ROBO2: variants seen among roughly 807,000 people sequenced by gnomAD.
ROBO2 encodes roundabout homolog 2.
In ROBO2, 53 loss-of-function variants were observed where a neutral mutation model predicts 160.8. The observed-to-expected ratio is 0.33, with a 90% CI of 0.26 to 0.41. The LOEUF is 0.41. Among genes scored for constraint, ROBO2 ranks in the 10% least tolerant of loss-of-function variants. ROBO2 has a pLI of 1.00. For synonymous variants in ROBO2, 664 were observed against 611.7 expected, an observed-to-expected ratio of 1.09 and a Z score of -1.26; for missense variants, 1,577 against 1,722.4, an observed-to-expected ratio of 0.92 and a Z score of 1.49.
At position 77,577,401 on chromosome 3, in the gene ROBO2, C is replaced by T. The variant is rs2093797176; in HGVS notation, c.2204-89C>T. The T allele has an allele frequency of 3.8e-6, 6 of 1,566,364 alleles. No homozygotes were observed. In the East Asian group the frequency reaches 1.1e-4, roughly 29 times the overall value. On this transcript the variant is annotated intron_variant, in intron 14 of 25. Transcript: ENST00000461745. ...AACTCCTGGAAGCCAGAGTCTCCTG[C>T]AACTTGTCTTTATACTCATATTCTG...
chr3:76,085,108 T>TAC (rs1448626428), intron 2 of ROBO2, among the ~76,000 whole-genome samples: 42 of 129,238 alleles, frequency 3.2e-4, no homozygotes, highest in African/African-American at 1.6e-3. Context: ...TTTACATATA[T>TAC]ATATATATAC....
At chr3:77,213,736 A>G (rs1463603576) in intron 2 of ROBO2, among the ~76,000 whole-genome samples, 1 of 151,760 alleles carries the variant, frequency 6.6e-6, no homozygotes, top group Non-Finnish European at 1.5e-5. Flanking sequence ...ATTTCCCTCT[A>G]CACACTGCTT....
intron 2 of ROBO2, among the ~76,000 whole-genome samples, chr3:76,426,953 G>C (rs937190024): frequency 1.3e-5 from 2 of 152,126 alleles, no homozygotes; most frequent in Non-Finnish European, 2.9e-5. Flanking sequence ...AGAGGAATTA[G>C]ACTCCATAAA....
chr3:76,280,893 T>A (rs1359844286), intron 2 of ROBO2, among the ~76,000 whole-genome samples: 1 of 151,954 alleles, frequency 6.6e-6, no homozygotes, highest in Admixed American at 6.6e-5. Context: ...GGTTCTTTAA[T>A]AGCATAGTTC....
intron 23 of ROBO2, among the ~76,000 whole-genome samples, chr3:77,624,414 TGA>T (rs1248295394): frequency 1.3e-5 from 2 of 151,826 alleles, no homozygotes; most frequent in African/African-American, 4.8e-5. Flanking sequence ...TATAAATGTG[TGA>T]GAGTGTAGAT....
intron 2 of ROBO2, among the ~76,000 whole-genome samples, chr3:76,015,131 C>G (rs560104857): frequency 6.6e-6 from 1 of 152,128 alleles, no homozygotes; most frequent in Non-Finnish European, 1.5e-5. Context: ...GTATAAGAAT[C>G]ACACTATGTA....
At chr3:76,496,434 G>A (rs1056872672) in intron 2 of ROBO2, among the ~76,000 whole-genome samples, 1 of 152,172 alleles carries the variant, frequency 6.6e-6, no homozygotes, top group African/African-American at 2.4e-5. Context: ...CTCAGATTCT[G>A]TTCTAGGACC....
intron 2 of ROBO2, among the ~76,000 whole-genome samples, chr3:77,002,955 A>G (rs891823167): frequency 1.4e-5 from 2 of 145,398 alleles, no homozygotes; most frequent in African/African-American, 2.6e-5. Flanking sequence ...CACTGTAATT[A>G]AGGCAGATCA....
chr3:77,565,739 G>C (rs2093461131), intron 12 of ROBO2, among the ~76,000 whole-genome samples: 1 of 152,060 alleles, frequency 6.6e-6, no homozygotes, highest in South Asian at 2.1e-4. Flanking sequence ...ATTTATTACA[G>C]ACAGCAGGAA....
intron 2 of ROBO2, among the ~76,000 whole-genome samples, chr3:76,567,548 G>A (rs1161787404): frequency 1.4e-5 from 2 of 143,332 alleles, no homozygotes; most frequent in African/African-American, 2.6e-5. Flanking sequence ...GGAAGGGAAT[G>A]GTTTCTTACT....
intron 2 of ROBO2, among the ~76,000 whole-genome samples, chr3:76,298,740 C>T (rs921882612): frequency 4.6e-5 from 7 of 152,120 alleles, no homozygotes; most frequent in East Asian, 3.8e-4. Flanking sequence ...ACCAAGATTC[C>T]GCCATTGGTT....
intron 2 of ROBO2, among the ~76,000 whole-genome samples, chr3:76,012,267 ATT>A (rs1171347894): frequency 6.6e-6 from 1 of 152,186 alleles, no homozygotes; most frequent in African/African-American, 2.4e-5. Context: ...AAAGTATACT[ATT>A]TTTGGAGAGT....
intron 2 of ROBO2, among the ~76,000 whole-genome samples, chr3:76,683,520 G>A (rs1216977735): frequency 6.8e-6 from 1 of 146,572 alleles, no homozygotes; most frequent in Non-Finnish European, 1.5e-5. Flanking sequence ...TGTCTATCAA[G>A]CATTAGGTTA....
rs189414411 is a variant in ROBO2, at chr3:75,919,250, G to A, written c.-14+12290G>A. On this transcript the variant is annotated intron_variant, in intron 1 of 26. Transcript: ENST00000487694. ...TTATTGAGAGTTTTTAGTATGAGGG[G>A]TGTTGAATTTTATTGAAGGCCTTTT... is the stretch of plus-strand genomic sequence containing the variant. 6.2e-4 allele frequency among the ~76,000 whole-genome samples: 94 copies of A among 152,166 alleles called. 1 individual carries two copies. Among genetic ancestry groups the A allele is most frequent in the Non-Finnish European group, 2.6e-4 (18 of 67,976 alleles).
intron 2 of ROBO2, among the ~76,000 whole-genome samples, chr3:76,559,435 C>A (rs2084016756): frequency 6.6e-6 from 1 of 152,120 alleles, no homozygotes; most frequent in African/African-American, 2.4e-5. Flanking sequence ...TGGAACATTT[C>A]AACCAATGTT....
At chr3:77,052,218 A>AATAT (rs2065295359) in intron 1 of ROBO2, among the ~76,000 whole-genome samples, 1 of 152,154 alleles carries the variant, frequency 6.6e-6, no homozygotes, top group Non-Finnish European at 1.5e-5. Context: ...ACTTGTCTCC[A>AATAT]ATATGTCCAC....
At chr3:76,273,105 ACACACACACATAT>A (rs1171388612) in intron 2 of ROBO2, among the ~76,000 whole-genome samples, 15 of 27,710 alleles carry the variant, frequency 5.4e-4, no homozygotes, top group African/African-American at 9.8e-4. Context: ...ACACACATAT[ACACACACACATAT>A]AAATATATAT....
intron 2 of ROBO2, among the ~76,000 whole-genome samples, chr3:76,319,299 T>C (rs1243624626): frequency 6.6e-6 from 1 of 152,126 alleles, no homozygotes; most frequent in Non-Finnish European, 1.5e-5. Flanking sequence ...CAAAAGAGAT[T>C]TCTTGACTTA....
intron 2 of ROBO2, among the ~76,000 whole-genome samples, chr3:77,430,973 T>C (rs927301812): frequency 3.9e-5 from 6 of 152,220 alleles, no homozygotes; most frequent in African/African-American, 1.4e-4. Context: ...AATCTGCTTA[T>C]TCTTTTCCCA....
Sources: allele counts gnomAD v4.1 joint callset (sites outside exome capture counted in the v4.1 genomes callset), GRCh38; gene constraint gnomAD v4.1.1; transcripts MANE v1.5; gene names NCBI Gene and HGNC (gene_info 2026-07-23, HGNC 2026-07-21).